Variants in MGA observed in about 807,000 individuals in gnomAD.
The protein encoded by MGA is MAX dimerization protein MGA.
A neutral mutation model predicts 261.1 loss-of-function variants in MGA; 40 were observed. The observed-to-expected ratio is 0.15, with a 90% confidence interval of 0.12 to 0.20. The LOEUF (loss-of-function observed/expected upper bound fraction) is 0.20. MGA is among the 10% of genes least tolerant of loss of function. MGA has a pLI of 1.00. For missense variants in MGA, 3,397 were observed against 3,630.5 expected (o/e 0.94, Z 1.65); for synonymous variants, 1,302 against 1,290.6 (o/e 1.01, Z -0.19).
At position 41,641,318 on chromosome 15, in the gene MGA, C is replaced by A. The variant is rs150083719; in HGVS notation, c.-68+20020C>A. On this transcript the variant is annotated intron_variant, in intron 1 of 8. Coordinates refer to the MGA transcript ENST00000566718. ...CATTAATGGACTTTTTTTGTATAAACTTATGTTTTTATTTTTCTTGGGTAT... is the reference window on the plus strand; with the variant it reads ...CATTAATGGACTTTTTTTGTATAAAATTATGTTTTTATTTTTCTTGGGTAT... Among the ~76,000 whole-genome samples, 5 of 151,876 alleles carry A rather than the reference C, an allele frequency of 3.3e-5. No homozygotes were observed. In the East Asian group the frequency reaches 9.7e-4, roughly 29 times the overall value.
chr15:41,669,356 G>C lies in MGA; in HGVS notation c.462G>C (p.Gly154=). The change falls in exon 2 of 24, where the codon GGG becomes GGC. Residue 154 remains glycine (G), a synonymous_variant. Coordinates refer to ENST00000219905, the MANE Select transcript of MGA (RefSeq NM_001164273.2). ...GGAAGGCTGAACCTCATGTTTTGGG[G>C]AGGGTTTTCATTCATCCAGAATCTC... 3.1e-6 allele frequency: 5 copies of C among 1,613,960 alleles called. No homozygotes were observed. Among genetic ancestry groups the C allele is most frequent in the Non-Finnish European group, 4.2e-6 (5 of 1,179,874 alleles).
At position 41,730,213 on chromosome 15, in the gene MGA, T is replaced by C. The variant is rs372327687; in HGVS notation, c.3843+864T>C. 2.2e-4 allele frequency among the ~76,000 whole-genome samples: 33 copies of C among 151,964 alleles called. 1 individual carries two copies. In the South Asian group the frequency reaches 6.9e-3, roughly 32 times the overall value. ...CCAGCCACATTTGCATCCAGCACTT[T>C]GGGAGGCCGAGGTGGGCTGATCGAG... On this transcript the variant is annotated intron_variant, in intron 11 of 23. Transcript: ENST00000219905.
At chr15:41,723,936 T>C (rs1185159285) in intron 9 of MGA, among the ~76,000 whole-genome samples, 2 of 152,104 alleles carry the variant, frequency 1.3e-5, no homozygotes, top group Admixed American at 6.5e-5. Context: ...TTAAGAGAAA[T>C]ATGAATAATC....
At position 41,749,375 on chromosome 15, in the gene MGA, C is replaced by T; in HGVS notation, c.5768C>T (p.Thr1923Ile). Residue 1923 changes from threonine to isoleucine, a missense_variant, in exon 17 of 24, where the codon ACT becomes ATT. By Grantham distance (89) the Thr-to-Ile change is moderately conservative. Coordinates refer to ENST00000219905, the MANE Select transcript of MGA (RefSeq NM_001164273.2). ...AAAACAGGCTCTGAAACCAAAATAA[C>T]TTATAGCTCAGGAGGACAGCCTGTT... 4 of 1,614,016 alleles carry T rather than the reference C, an allele frequency of 2.5e-6. No individual in the cohort carries two copies. The highest frequency in any genetic ancestry group is 3.4e-6 in the Non-Finnish European group (4 of 1,179,890).
intron 9 of MGA, among the ~76,000 whole-genome samples, chr15:41,717,634 C>G (rs2060712714): frequency 6.6e-6 from 1 of 152,132 alleles, no homozygotes; most frequent in African/African-American, 2.4e-5. Flanking sequence ...TAGTGGAAAA[C>G]CCTGCAATAA....
rs563281500 is a variant in MGA at position 41,759,708 on chromosome 15, G to A, written c.7192-615G>A. 3.9e-5 allele frequency among the ~76,000 whole-genome samples: 6 copies of A among 152,230 alleles called. No homozygotes were observed. In the South Asian group the frequency reaches 1.2e-3, roughly 32 times the overall value. On this transcript the variant is annotated intron_variant, in intron 19 of 23. Transcript: ENST00000219905. ...TCTGGGGATCAAGAAGGACTTTCCT[G>A]AAAAAGTGCAGAGTTTGAGTTTTAA...
chr15:41,703,280 A>C (rs2059939116), intron 5 of MGA, among the ~76,000 whole-genome samples: 2 of 151,734 alleles, frequency 1.3e-5, no homozygotes, highest in Non-Finnish European at 2.9e-5. Flanking sequence ...CATCATATCA[A>C]GAGTACATAC....
rs147748035 is a variant in MGA, at chr15:41,631,341, C to T, written c.-68+10043C>T. On this transcript the variant is annotated intron_variant, in intron 1 of 8. Transcript: ENST00000566718. ...AAAAGCCATATATAAGAAGAGTTCT[C>T]TGTCACAATGTTGCATCCAAGCATT... 8.1e-4 allele frequency among the ~76,000 whole-genome samples: 124 copies of T among 152,264 alleles called. 2 individuals carry two copies. Among genetic ancestry groups the T allele is most frequent in the Non-Finnish European group, 1.5e-3 (103 of 68,016 alleles).
chr15:41,754,614 C>G, intron 18 of MGA, 47 bp downstream of exon 18: 1 of 1,490,318 alleles, frequency 6.7e-7, no homozygotes. Flanking sequence ...GTTTTGTAAC[C>G]AGAAACAAAA....
At position 41,675,175 on chromosome 15, in the gene MGA, G is replaced by A. The variant is rs998572818; in HGVS notation, c.1064+5217G>A. Among the ~76,000 whole-genome samples the A allele has an allele frequency of 8.5e-5, 13 of 152,220 alleles. 1 individual carries two copies. Among genetic ancestry groups the A allele is most frequent in the Admixed American group, 8.5e-4 (13 of 15,284 alleles). ...TACATGTCTAGGAGGAGAATTGCTG[G>A]GTCATACAGTAGGCATACTTTTAGT... On this transcript the variant is annotated intron_variant, in intron 2 of 23. Coordinates refer to ENST00000219905, the MANE Select transcript of MGA (RefSeq NM_001164273.2).
At chr15:41,717,721 A>G (rs1243770320) in intron 9 of MGA, among the ~76,000 whole-genome samples, 2 of 152,224 alleles carry the variant, frequency 1.3e-5, no homozygotes, top group African/African-American at 2.4e-5. Context: ...ACAGTCTTCC[A>G]TAAAATGGTG....
chr15:41,755,135 A>T (rs1302023566), intron 18 of MGA, among the ~76,000 whole-genome samples: 1 of 152,178 alleles, frequency 6.6e-6, no homozygotes, highest in African/African-American at 2.4e-5. Context: ...AGGAAAATTT[A>T]TTTCATTTTC....
chr15:41,692,426 C>T (rs1254402850), intron 2 of MGA, among the ~76,000 whole-genome samples: 1 of 152,176 alleles, frequency 6.6e-6, no homozygotes, highest in African/African-American at 2.4e-5. Flanking sequence ...GTTGGTTTCT[C>T]TGTGTTTTTG....
At chr15:41,683,576 ATT>A (rs538776351) in intron 2 of MGA, among the ~76,000 whole-genome samples, 20 of 126,858 alleles carry the variant, frequency 1.6e-4, no homozygotes, top group Admixed American at 2.4e-4. Flanking sequence ...TGAATCCCCA[ATT>A]TTTTTTTTTT....
intron 2 of MGA, among the ~76,000 whole-genome samples, chr15:41,674,509 ATTC>A (rs945961905): frequency 8.6e-5 from 13 of 151,226 alleles, no homozygotes; most frequent in Non-Finnish European, 1.8e-4. Flanking sequence ...AATAGTGATT[ATTC>A]TTATTTTTAT....
At chr15:41,674,721 T>C (rs935902760) in intron 2 of MGA, among the ~76,000 whole-genome samples, 6 of 152,160 alleles carry the variant, frequency 3.9e-5, no homozygotes, top group Admixed American at 3.9e-4. Flanking sequence ...GGTTTCACCA[T>C]GTTGGTCAGG....
chr15:41,623,617 G>T (rs1418490592), intron 1 of MGA, among the ~76,000 whole-genome samples: 1 of 151,636 alleles, frequency 6.6e-6, no homozygotes, highest in Non-Finnish European at 1.5e-5. Context: ...GGCGATGCAT[G>T]CCTGTAATCA....
intron 1 of MGA, among the ~76,000 whole-genome samples, chr15:41,665,392 GTT>G (rs879783261): frequency 1.4e-5 from 2 of 144,598 alleles, no homozygotes. Context: ...TTTCGTTTTG[GTT>G]TTTTTTTTTT....
intron 7 of MGA, among the ~76,000 whole-genome samples, chr15:41,710,134 T>TA (rs1220075479): frequency 3.9e-5 from 6 of 152,208 alleles, no homozygotes; most frequent in Non-Finnish European, 8.8e-5. Flanking sequence ...GGCTCCCTGT[T>TA]ACGTTTTTAC....
Sources: allele counts gnomAD v4.1 joint callset (sites outside exome capture counted in the v4.1 genomes callset), GRCh38; gene constraint gnomAD v4.1.1; transcripts MANE v1.5; gene names NCBI Gene and HGNC (gene_info 2026-07-23, HGNC 2026-07-21).